Variants in PHF21A observed in about 807,000 individuals in gnomAD.
PHF21A encodes PHD finger protein 21A.
In PHF21A, 11 loss-of-function variants were observed where a neutral mutation model predicts 82.5. That is an observed-to-expected ratio of 0.13 (90% CI 0.08 to 0.22). The LOEUF (loss-of-function observed/expected upper bound fraction) is 0.22, where lower values mean the gene tolerates loss of function less well. Ranked by LOEUF, PHF21A falls within the 10% of genes least tolerant of loss-of-function variation. The pLI is 1.00. For missense variants in PHF21A, 579 were observed against 837.8 expected (o/e 0.69, Z 3.81); for synonymous variants, 297 against 302.8 (o/e 0.98, Z 0.20).
intron 10 of PHF21A, among the ~76,000 whole-genome samples, chr11:45,955,835 C>G (rs1189056220): frequency 6.6e-6 from 1 of 152,148 alleles, no homozygotes; most frequent in African/African-American, 2.4e-5. Flanking sequence ...AACGGAACCT[C>G]CAGCCAACAG....
At chr11:46,114,755 G>A (rs564921665) in intron 1 of PHF21A, among the ~76,000 whole-genome samples, 1 of 152,224 alleles carries the variant, frequency 6.6e-6, no homozygotes, top group East Asian at 1.9e-4. Context: ...TAAGTATGTC[G>A]CTTTGGAGAT....
chr11:45,950,144 C>G lies in PHF21A; in HGVS notation c.1147+62G>C. On this transcript the variant is annotated intron_variant, in intron 12 of 18. Transcript: ENST00000676320. ...CTATTCCAGGAATTCAATCAAACAT[C>G]ATTTTCAGGAACAAAGCTGTGGGCC... 5.5e-6 allele frequency: 7 copies of G among 1,271,276 alleles called. 1 individual carries two copies. The highest frequency in any genetic ancestry group is 7.9e-6 in the Non-Finnish European group (7 of 890,976). 78.7% of individuals were successfully genotyped at this position (1,271,276 alleles called of 1,614,324 possible).
chr11:45,946,979 C>T (rs1001495170), intron 14 of PHF21A, among the ~76,000 whole-genome samples: 1 of 152,194 alleles, frequency 6.6e-6, no homozygotes, highest in African/African-American at 2.4e-5. Context: ...GTATTTCTGT[C>T]CCTGGATACC....
intron 6 of PHF21A, among the ~76,000 whole-genome samples, chr11:46,010,678 A>C (rs1440567312): frequency 1.3e-5 from 2 of 152,240 alleles, no homozygotes; most frequent in Non-Finnish European, 2.9e-5. Context: ...AGGTTTTCTA[A>C]GCCAGCGTGC....
At chr11:45,941,530 G>A (rs1004307756) in intron 15 of PHF21A, among the ~76,000 whole-genome samples, 1 of 152,108 alleles carries the variant, frequency 6.6e-6, no homozygotes, top group Non-Finnish European at 1.5e-5. Flanking sequence ...TATGAAAATA[G>A]CTTTGATTTT....
At position 45,999,860 on chromosome 11, in the gene PHF21A, G is replaced by A. The variant is rs189947555; in HGVS notation, c.154-19894C>T. On this transcript the variant is annotated intron_variant, in intron 6 of 18. Transcript: ENST00000676320. ...ACTGCCTCCAGTATATAGAAACATC[G>A]TAACTTTTCTCTTGAGGATGAGGCA... 8.6e-3 allele frequency among the ~76,000 whole-genome samples: 1,303 copies of A among 152,274 alleles called. 20 individuals are homozygous for A. The highest frequency in any genetic ancestry group is 0.029 in the African/African-American group (1,214 of 41,554).
At chr11:46,055,009 G>C (rs1268612879) in intron 6 of PHF21A, among the ~76,000 whole-genome samples, 2 of 152,084 alleles carry the variant, frequency 1.3e-5, no homozygotes, top group Non-Finnish European at 2.9e-5. Flanking sequence ...TTGTAATACA[G>C]GACCAGGCTT....
rs562704588 is a variant in PHF21A, at chr11:46,088,320, C to CT, written c.-84+2134dup. On this transcript the variant is annotated intron_variant, in intron 3 of 18. Transcript: ENST00000676320. The stretch of plus-strand genomic sequence containing the variant: ...CTACAAGTCACTATCAGCAAGGCCA[C>CT]TTGCCTAGCCCAAAATATTAGCATT... Among the ~76,000 whole-genome samples the CT allele has an allele frequency of 1.6e-4, 25 of 152,282 alleles. No individual in the cohort carries two copies. In the East Asian group the frequency reaches 4.6e-3, roughly 28 times the overall value.
chr11:46,035,750 A>G (rs2095987515), intron 6 of PHF21A, among the ~76,000 whole-genome samples: 1 of 152,224 alleles, frequency 6.6e-6, no homozygotes, highest in Non-Finnish European at 1.5e-5. Flanking sequence ...AAGGGAGACC[A>G]GTAAGTTCAA....
intron 6 of PHF21A, among the ~76,000 whole-genome samples, chr11:46,049,720 T>G (rs898935127): frequency 6.6e-6 from 1 of 152,138 alleles, no homozygotes; most frequent in Non-Finnish European, 1.5e-5. Flanking sequence ...CCCTCCACGT[T>G]CCATATTGTA....
chr11:46,072,107 A>T (rs1592809710), intron 6 of PHF21A, among the ~76,000 whole-genome samples: 1 of 152,250 alleles, frequency 6.6e-6, no homozygotes, highest in East Asian at 1.9e-4. Context: ...AGGAAGACAG[A>T]TATTTAAAAA....
At chr11:45,969,670 T>A in intron 9 of PHF21A, 145 bp downstream of exon 9, 1 of 595,756 alleles carries the variant, frequency 1.7e-6, no homozygotes, top group Non-Finnish European at 3.0e-6. Flanking sequence ...AACTTCTTCA[T>A]AGTACAGAAA....
chr11:45,932,075 GCT>G lies in PHF21A; in HGVS notation c.*1891_*1892del, dbSNP rs1453256036. On this transcript the variant is annotated 3_prime_UTR_variant, in exon 19 of 19. Coordinates refer to ENST00000676320, the MANE Select transcript of PHF21A (RefSeq NM_001352027.3). The surrounding 1 kb of genome is among the most constrained non-coding windows in gnomAD (Gnocchi z 4.3). ...AAGACAGAGCGAAGGCCACGCTGGG[GCT>G]CTGTCTCAGAGACGTACCCTCAAAA... 6.6e-6 allele frequency: 1 copy of G among 152,208 alleles called. No individual in the cohort carries two copies. Among genetic ancestry groups the G allele is most frequent in the African/African-American group, 2.4e-5 (1 of 41,452 alleles). The allele number at this position is 152,208 out of a possible 1,614,324, so 9.4% of individuals were successfully genotyped here.
intron 14 of PHF21A, among the ~76,000 whole-genome samples, chr11:45,948,361 G>A (rs2091598994): frequency 6.6e-6 from 1 of 152,216 alleles, no homozygotes; most frequent in Admixed American, 6.5e-5. Flanking sequence ...CCTGTTTTGA[G>A]AGTGACCTTT....
At position 45,948,606 on chromosome 11, in the gene PHF21A, A is replaced by G. The variant is rs2091650297; in HGVS notation, c.1288+280T>C. On this transcript the variant is annotated intron_variant, in intron 14 of 18. Transcript: ENST00000676320. ...TGGGGTTCTGTTCACTGTGCTATTC[A>G]TGGATGGCCTGGCAGGCTTGGGGCA... Among the ~76,000 whole-genome samples, 4 of 152,352 alleles carry G rather than the reference A, an allele frequency of 2.6e-5. No homozygotes were observed. The South Asian group carries it at 8.3e-4, about 32-fold the overall frequency.
chr11:45,958,816 G>T (rs951378099), intron 10 of PHF21A, among the ~76,000 whole-genome samples: 1 of 152,042 alleles, frequency 6.6e-6, no homozygotes, highest in Non-Finnish European at 1.5e-5. Flanking sequence ...TACTTGGGAG[G>T]CTGAAATGGG....
intron 6 of PHF21A, among the ~76,000 whole-genome samples, chr11:46,025,177 T>C (rs2095714392): frequency 6.6e-6 from 1 of 150,726 alleles, no homozygotes; most frequent in African/African-American, 2.5e-5. Context: ...CTGGGGCATA[T>C]GTATACAGAT....
At chr11:45,954,802 TAATTA>T (rs1187720339) in intron 10 of PHF21A, among the ~76,000 whole-genome samples, 1 of 152,188 alleles carries the variant, frequency 6.6e-6, no homozygotes, top group Non-Finnish European at 1.5e-5. Context: ...ATGGCAACAA[TAATTA>T]AATAAGTGAG....
At chr11:46,043,868 A>G (rs1379145445) in intron 6 of PHF21A, among the ~76,000 whole-genome samples, 1 of 152,184 alleles carries the variant, frequency 6.6e-6, no homozygotes, top group African/African-American at 2.4e-5. Context: ...TCAGACTTGA[A>G]GTTCCACATT....
Sources: allele counts gnomAD v4.1 joint callset (sites outside exome capture counted in the v4.1 genomes callset), GRCh38; gene constraint gnomAD v4.1.1; non-coding constraint Gnocchi (gnomAD v3.1); transcripts MANE v1.5; gene names NCBI Gene and HGNC (gene_info 2026-07-23, HGNC 2026-07-21).